ZCCHC24: variants seen among roughly 807,000 people sequenced by gnomAD.
The protein encoded by ZCCHC24 is zinc finger CCHC domain-containing protein 24.
ZCCHC24 carries 10 observed loss-of-function variants against 26.2 expected under a neutral mutation model. The ratio of observed to expected loss-of-function variants is 0.38; its 90% CI spans 0.24 to 0.65. The LOEUF (loss-of-function observed/expected upper bound fraction) is 0.65. ZCCHC24 is among the 30% of genes least tolerant of loss of function. The probability of loss-of-function intolerance (pLI) is 0.54; values close to 1 mark genes in which losing one functional copy is unlikely to be tolerated. For missense variants in ZCCHC24, 243 were observed against 329.1 expected, an observed-to-expected ratio of 0.74 and a Z score of 2.03; for synonymous variants, 144 against 147.1, an observed-to-expected ratio of 0.98 and a Z score of 0.15.
At chr10:79,444,206 G>A in intron 1 of ZCCHC24, 2 of 1,509,576 alleles carry the variant, frequency 1.3e-6, no homozygotes, top group Non-Finnish European at 1.8e-6. Flanking sequence ...AGGAAGTGAA[G>A]GCCACAGATG....
intron 2 of ZCCHC24, among the ~76,000 whole-genome samples, chr10:79,401,527 C>T (rs1440263889): frequency 2.0e-5 from 3 of 152,222 alleles, no homozygotes; most frequent in African/African-American, 7.2e-5. Context: ...AATTGCTACA[C>T]AACATGCCAG....
intron 2 of ZCCHC24, among the ~76,000 whole-genome samples, chr10:79,413,907 C>T (rs12358729): frequency 0.29 from 44,040 of 152,146 alleles, 6,932 homozygotes; most frequent in South Asian, 0.41. Context: ...AGCAGCAATT[C>T]GGGGATGTAG....
At chr10:79,412,209 A>C (rs77479262) in intron 2 of ZCCHC24, among the ~76,000 whole-genome samples, 9,578 of 152,240 alleles carry the variant, frequency 0.063, 349 homozygotes, top group African/African-American at 0.076. Context: ...TGACCTGCCA[A>C]CTCCGTTTTA....
intron 1 of ZCCHC24, among the ~76,000 whole-genome samples, chr10:79,443,033 A>T (rs917492140): frequency 2.6e-5 from 4 of 152,282 alleles, no homozygotes; most frequent in African/African-American, 7.2e-5. Context: ...AACAGGTCTC[A>T]AATACTATAG....
At chr10:79,434,828 C>T (rs1342203457) in intron 1 of ZCCHC24, among the ~76,000 whole-genome samples, 1 of 152,204 alleles carries the variant, frequency 6.6e-6, no homozygotes, top group Non-Finnish European at 1.5e-5. Context: ...CCATCGCCAC[C>T]GTCCAGCTCC....
Position 79,385,915 on chromosome 10 carries a change from G to A in ZCCHC24, c.*430C>T, listed in dbSNP as rs748752205. 28 of 393,726 alleles carry A rather than the reference G, an allele frequency of 7.1e-5. No individual in the cohort carries two copies. Among genetic ancestry groups the A allele is most frequent in the Non-Finnish European group, 9.9e-5 (22 of 221,238 alleles). 24.4% of individuals were successfully genotyped at this position (393,726 alleles called of 1,614,324 possible). A position where few individuals can be genotyped will look rare whatever the true frequency, so the allele number is the denominator to read the frequency against. ...AGTGGCTTTCCATACAGGGCAAACC[G>A]GAAGGTTCTGGGTGGGGGCAGGCGG... is the stretch of plus-strand genomic sequence containing the variant. On this transcript the variant is annotated 3_prime_UTR_variant, in exon 4 of 4. Coordinates refer to ENST00000372336, the MANE Select transcript of ZCCHC24 (RefSeq NM_153367.4). This position sits in a 1 kb window ranked among gnomAD's most constrained non-coding sequence, Gnocchi z 4.3.
chr10:79,442,725 C>T (rs912216886), intron 1 of ZCCHC24, among the ~76,000 whole-genome samples: 2 of 152,234 alleles, frequency 1.3e-5, no homozygotes, highest in African/African-American at 4.8e-5. Context: ...CGACCAGCCC[C>T]TTGGTGGCAT....
rs147881745 is a variant in ZCCHC24, at chr10:79,382,762, GCT to G, written c.*3581_*3582del. ...ATTCAAGTCTATTAGATGCTGGAGG[GCT>G]GGTGTAAGGGCTCCGGTTGACATTT... On this transcript the variant is annotated 3_prime_UTR_variant, in exon 4 of 4. Coordinates refer to ENST00000372336, the MANE Select transcript of ZCCHC24 (RefSeq NM_153367.4). The G allele has an allele frequency of 6.5e-6, 1 of 152,952 alleles. No individual in the cohort carries two copies. Among genetic ancestry groups the G allele is most frequent in the African/African-American group, 2.4e-5 (1 of 41,584 alleles). 9.5% of individuals were successfully genotyped at this position (152,952 alleles called of 1,614,324 possible). A position where few individuals can be genotyped will look rare whatever the true frequency, so the allele number is the denominator to read the frequency against.
At chr10:79,404,498 G>A in intron 2 of ZCCHC24, among the ~76,000 whole-genome samples, 1 of 152,246 alleles carries the variant, frequency 6.6e-6, no homozygotes, top group African/African-American at 2.4e-5. Context: ...CTCCGCCACT[G>A]CAGAGACAGG....
chr10:79,397,765 C>G (rs1856566056), intron 2 of ZCCHC24, among the ~76,000 whole-genome samples: 1 of 152,116 alleles, frequency 6.6e-6, no homozygotes, highest in Admixed American at 6.5e-5. Flanking sequence ...GGTGCCTGGC[C>G]TCACACAGTT....
chr10:79,436,433 C>T (rs563628186), intron 1 of ZCCHC24, among the ~76,000 whole-genome samples: 98 of 152,316 alleles, frequency 6.4e-4, no homozygotes, highest in African/African-American at 2.3e-3. Context: ...ATAGAGGCCC[C>T]GACTCCCACC....
intron 3 of ZCCHC24, among the ~76,000 whole-genome samples, chr10:79,389,829 T>A (rs558516937): frequency 6.6e-6 from 1 of 152,240 alleles, no homozygotes; most frequent in Non-Finnish European, 1.5e-5. Flanking sequence ...TTGGCCAGGC[T>A]GGTCTTGAGC....
intron 3 of ZCCHC24, among the ~76,000 whole-genome samples, chr10:79,393,307 C>A (rs1377721759): frequency 1.3e-5 from 2 of 152,180 alleles, no homozygotes; most frequent in African/African-American, 4.8e-5. Flanking sequence ...TATCAGAGGA[C>A]CCCTGGTTTC....
intron 2 of ZCCHC24, among the ~76,000 whole-genome samples, chr10:79,413,654 CG>C (rs1856821619): frequency 6.6e-6 from 1 of 152,170 alleles, no homozygotes; most frequent in African/African-American, 2.4e-5. Flanking sequence ...CAATGACAAC[CG>C]GGAGTTCAGG....
At chr10:79,404,416 G>C (rs1298275236) in intron 2 of ZCCHC24, among the ~76,000 whole-genome samples, 1 of 152,172 alleles carries the variant, frequency 6.6e-6, no homozygotes, top group African/African-American at 2.4e-5. Context: ...GGAGGGGCGG[G>C]AGGGGAAGAG....
At chr10:79,394,991 A>T (rs1856526559) in intron 2 of ZCCHC24, among the ~76,000 whole-genome samples, 2 of 152,226 alleles carry the variant, frequency 1.3e-5, no homozygotes, top group Non-Finnish European at 2.9e-5. Context: ...TTGTACATAC[A>T]TTCTTTTCCC....
chr10:79,444,852 G>A (rs1857340904), intron 1 of ZCCHC24, among the ~76,000 whole-genome samples: 1 of 152,176 alleles, frequency 6.6e-6, no homozygotes, highest in South Asian at 2.1e-4. Flanking sequence ...CGCCCAGGCC[G>A]CACCCCAGCT....
Position 79,432,745 on chromosome 10 carries a change from C to T in ZCCHC24, c.260G>A (p.Ser87Asn), listed in dbSNP as rs1185541925. 16 of 1,608,216 alleles carry T rather than the reference C, an allele frequency of 9.9e-6. No homozygotes were observed. The highest frequency in any genetic ancestry group is 1.3e-5 in the African/African-American group (1 of 74,522). ...ATAGGGTGAGGCGCCCTTGTACACA[C>T]TGTTGCTCAGCGCCTGTGGGAGACA... The part of the protein sequence containing the change: ...QLQRGEALSN[S>N]VYKGASPYGS... The change falls in exon 2 of 4, where the codon AGT (serine) becomes AAT (asparagine). Residue 87 changes from serine to asparagine, a missense_variant. Physicochemically the swap from Ser to Asn is conservative, Grantham distance 46. Coordinates refer to ENST00000372336, the MANE Select transcript of ZCCHC24 (RefSeq NM_153367.4).
At chr10:79,413,908 G>A (rs946463454) in intron 2 of ZCCHC24, among the ~76,000 whole-genome samples, 3 of 152,196 alleles carry the variant, frequency 2.0e-5, no homozygotes, top group Non-Finnish European at 2.9e-5. Flanking sequence ...GCAGCAATTC[G>A]GGGATGTAGC....
Sources: allele counts gnomAD v4.1 joint callset (sites outside exome capture counted in the v4.1 genomes callset), GRCh38; gene constraint gnomAD v4.1.1; non-coding constraint Gnocchi (gnomAD v3.1); transcripts MANE v1.5; gene names NCBI Gene and HGNC (gene_info 2026-07-23, HGNC 2026-07-21).